IGF1R: variants seen among roughly 807,000 people sequenced by gnomAD.
The protein encoded by IGF1R is insulin-like growth factor 1 receptor.
IGF1R carries 44 observed loss-of-function variants against 144.6 expected under a neutral mutation model. The ratio of observed to expected loss-of-function variants is 0.30; its 90% CI spans 0.24 to 0.39. The LOEUF (loss-of-function observed/expected upper bound fraction) is 0.39, where lower values mean the gene tolerates loss of function less well. Among genes scored for constraint, IGF1R ranks in the 10% least tolerant of loss-of-function variants. The pLI is 1.00. For missense variants in IGF1R, 1,355 were observed against 1,833.7 expected (o/e 0.74, Z 4.77); for synonymous variants, 795 against 722.8 (o/e 1.10, Z -1.60).
intron 5 of IGF1R, among the ~76,000 whole-genome samples, chr15:98,907,507 C>G (rs187141192): frequency 3.2e-4 from 49 of 152,318 alleles, no homozygotes; most frequent in Admixed American, 1.2e-3. Context: ...AAGTACTGCA[C>G]TGATTCCCAA....
intron 2 of IGF1R, among the ~76,000 whole-genome samples, chr15:98,725,920 G>A (rs2054348922): frequency 1.3e-5 from 2 of 152,154 alleles, no homozygotes; most frequent in African/African-American, 4.8e-5. Flanking sequence ...AATAGCACGG[G>A]AAAGACCAGC....
At chr15:98,766,411 TTAAAG>T (rs1173442002) in intron 2 of IGF1R, among the ~76,000 whole-genome samples, 2 of 152,224 alleles carry the variant, frequency 1.3e-5, no homozygotes, top group Non-Finnish European at 2.9e-5. Context: ...GATTTATACT[TTAAAG>T]TAGGTATTCT....
At chr15:98,910,734 G>A (rs540914679) in intron 6 of IGF1R, among the ~76,000 whole-genome samples, 2 of 152,320 alleles carry the variant, frequency 1.3e-5, no homozygotes, top group East Asian at 3.9e-4. Flanking sequence ...GCTTAATCCA[G>A]CCTCCCGTTG....
At chr15:98,784,782 A>G (rs1187238555) in intron 2 of IGF1R, among the ~76,000 whole-genome samples, 1 of 152,192 alleles carries the variant, frequency 6.6e-6, no homozygotes, top group East Asian at 1.9e-4. Context: ...CTTTTTATAC[A>G]GCATTTGTAT....
chr15:98,778,422 C>G (rs1249943035), intron 2 of IGF1R, among the ~76,000 whole-genome samples: 1 of 152,174 alleles, frequency 6.6e-6, no homozygotes, highest in African/African-American at 2.4e-5. Context: ...TGTCATTTTG[C>G]CTATCCTTCC....
intron 2 of IGF1R, among the ~76,000 whole-genome samples, chr15:98,711,541 A>G (rs1376098039): frequency 6.6e-6 from 1 of 152,082 alleles, no homozygotes; most frequent in Non-Finnish European, 1.5e-5. Context: ...AGTGGATTTT[A>G]TACATTTTTG....
chr15:98,680,655 C>G (rs1455306980), intron 1 of IGF1R, among the ~76,000 whole-genome samples: 2 of 152,090 alleles, frequency 1.3e-5, no homozygotes, highest in Non-Finnish European at 2.9e-5. Context: ...GCCTTGAACT[C>G]CTGGGCTCAA....
rs569204479 is a variant in IGF1R, at chr15:98,884,405, C to G, written c.641-6920C>G. The stretch of plus-strand genomic sequence containing the variant: ...TTCTGTACCCCTCAAAAGAAAAGTT[C>G]TGTACCCGGCCAGGCCTGGTGGCTC... On this transcript the variant is annotated intron_variant, in intron 2 of 20. Transcript: ENST00000650285. 7.2e-5 allele frequency among the ~76,000 whole-genome samples: 11 copies of G among 152,270 alleles called. No homozygotes were observed. In the East Asian group the frequency reaches 2.1e-3, roughly 29 times the overall value.
intron 2 of IGF1R, among the ~76,000 whole-genome samples, chr15:98,789,338 C>T (rs1379252217): frequency 1.3e-5 from 2 of 152,164 alleles, no homozygotes; most frequent in East Asian, 3.8e-4. Context: ...GGTCGGCTGG[C>T]TAGCCTTTTT....
rs1203829377 is a variant in IGF1R at position 98,959,883 on chromosome 15, G to T, written c.*2441G>T. ...AAAAAAAAAAAGGTATTATATGTAG[G>T]AGTTTTCTTTTAATTTATTTTGTGA... is the stretch of plus-strand genomic sequence containing the variant. On this transcript the variant is annotated 3_prime_UTR_variant, in exon 21 of 21. Transcript: ENST00000650285. The T allele has an allele frequency of 1.3e-5, 3 of 232,380 alleles. No homozygotes were observed. The highest frequency in any genetic ancestry group is 5.6e-5 in the Admixed American group (1 of 17,726). 14.4% of individuals were successfully genotyped at this position (232,380 alleles called of 1,614,324 possible). A position where few individuals can be genotyped will look rare whatever the true frequency, so the allele number is the denominator to read the frequency against.
chr15:98,794,961 C>T (rs563029877), intron 2 of IGF1R, among the ~76,000 whole-genome samples: 1 of 152,342 alleles, frequency 6.6e-6, no homozygotes, highest in East Asian at 1.9e-4. Context: ...GCCTTCCCAG[C>T]TTTGATTGCT....
At chr15:98,650,595 A>G (rs2052336099) in intron 1 of IGF1R, among the ~76,000 whole-genome samples, 1 of 152,178 alleles carries the variant, frequency 6.6e-6, no homozygotes, top group Non-Finnish European at 1.5e-5. Context: ...ATTCCGACAC[A>G]CGTGCTCGCA....
intron 2 of IGF1R, among the ~76,000 whole-genome samples, chr15:98,870,700 C>T (rs1249227010): frequency 6.6e-6 from 1 of 152,184 alleles, no homozygotes; most frequent in Non-Finnish European, 1.5e-5. Context: ...AGCCGCATCC[C>T]AGAAGCTCAA....
At chr15:98,719,899 A>G in intron 2 of IGF1R, among the ~76,000 whole-genome samples, 1 of 152,240 alleles carries the variant, frequency 6.6e-6, no homozygotes, top group Middle Eastern at 3.2e-3. Flanking sequence ...TACTCAGTGT[A>G]GAATAAAGAG....
intron 2 of IGF1R, among the ~76,000 whole-genome samples, chr15:98,753,701 C>A (rs933348624): frequency 6.6e-6 from 1 of 152,046 alleles, no homozygotes; most frequent in African/African-American, 2.4e-5. Context: ...GTGAAGAATT[C>A]TGTTAGCCAA....
At chr15:98,724,870 C>G (rs1363760068) in intron 2 of IGF1R, among the ~76,000 whole-genome samples, 1 of 152,198 alleles carries the variant, frequency 6.6e-6, no homozygotes, top group Admixed American at 6.5e-5. Flanking sequence ...AAAACAAAGG[C>G]ATCGGCCCTG....
At chr15:98,851,256 G>A (rs971896484) in intron 2 of IGF1R, among the ~76,000 whole-genome samples, 1 of 152,234 alleles carries the variant, frequency 6.6e-6, no homozygotes, top group Non-Finnish European at 1.5e-5. Flanking sequence ...GGGCAGGGCC[G>A]GGGTGGGGCC....
intron 2 of IGF1R, among the ~76,000 whole-genome samples, chr15:98,803,751 C>A (rs1336531252): frequency 6.6e-6 from 1 of 152,126 alleles, no homozygotes; most frequent in African/African-American, 2.4e-5. Flanking sequence ...AGTGATCCAC[C>A]CGCCTCGGCC....
chr15:98,871,039 C>T (rs370922680), intron 2 of IGF1R, among the ~76,000 whole-genome samples: 25 of 152,220 alleles, frequency 1.6e-4, no homozygotes, highest in African/African-American at 5.8e-4. Context: ...TGGCCCAGGG[C>T]GCGCATGCAC....
Sources: allele counts gnomAD v4.1 joint callset (sites outside exome capture counted in the v4.1 genomes callset), GRCh38; gene constraint gnomAD v4.1.1; transcripts MANE v1.5; gene names NCBI Gene and HGNC (gene_info 2026-07-23, HGNC 2026-07-21).